GRM1: variants seen among roughly 807,000 people sequenced by gnomAD.
The protein encoded by GRM1 is metabotropic glutamate receptor 1.
Under a neutral mutation model 90.9 loss-of-function variants are expected in GRM1, and 33 were observed. The ratio of observed to expected loss-of-function variants is 0.36; its 90% CI spans 0.28 to 0.49. The LOEUF (loss-of-function observed/expected upper bound fraction) is 0.49. Ranked by LOEUF, GRM1 falls within the 20% of genes least tolerant of loss-of-function variation. The probability of loss-of-function intolerance (pLI) is 0.99; values close to 1 mark genes in which losing one functional copy is unlikely to be tolerated. For missense variants in GRM1, 1,190 were observed against 1,534.3 expected, an observed-to-expected ratio of 0.78 and a Z score of 3.75; for synonymous variants, 700 against 613.2, an observed-to-expected ratio of 1.14 and a Z score of -2.09.
intron 3 of GRM1, among the ~76,000 whole-genome samples, chr6:146,315,432 G>A (rs562422125): frequency 6.6e-6 from 1 of 152,148 alleles, no homozygotes; most frequent in East Asian, 1.9e-4. Context: ...TGAATCCTTA[G>A]AGATGTAAAT....
At chr6:146,216,913 T>C (rs1779890955) in intron 2 of GRM1, among the ~76,000 whole-genome samples, 1 of 152,216 alleles carries the variant, frequency 6.6e-6, no homozygotes, top group African/African-American at 2.4e-5. Flanking sequence ...TTCTAAGGCA[T>C]CTTTCCAGAT....
At chr6:146,338,397 T>C (rs1331471756) in intron 3 of GRM1, among the ~76,000 whole-genome samples, 2 of 152,228 alleles carry the variant, frequency 1.3e-5, no homozygotes, top group African/African-American at 4.8e-5. Flanking sequence ...CCGTTTGAAT[T>C]CTGAATTTGG....
At chr6:146,130,505 A>G (rs1042304212) in intron 1 of GRM1, among the ~76,000 whole-genome samples, 5 of 152,232 alleles carry the variant, frequency 3.3e-5, no homozygotes, top group African/African-American at 1.2e-4. Flanking sequence ...TTAAAGTACC[A>G]TGGTAGGTAA....
chr6:146,216,307 T>C (rs2114662148), intron 2 of GRM1, among the ~76,000 whole-genome samples: 1 of 152,332 alleles, frequency 6.6e-6, no homozygotes, highest in South Asian at 2.1e-4. Flanking sequence ...TTAAGAATTT[T>C]AATGCTTTTT....
chr6:146,157,468 A>G (rs536495299), intron 1 of GRM1, among the ~76,000 whole-genome samples: 1 of 152,316 alleles, frequency 6.6e-6, no homozygotes, highest in South Asian at 2.1e-4. Context: ...TTTGTATATC[A>G]ATTAGAAGTC....
chr6:146,046,905 A>G (rs9403765), intron 1 of GRM1, among the ~76,000 whole-genome samples: 66,361 of 151,724 alleles, frequency 0.44, 14,755 homozygotes, highest in Middle Eastern at 0.51. Context: ...TACTTCCAGT[A>G]GGGATATTGG....
chr6:146,250,554 C>T (rs1781233725), intron 2 of GRM1, among the ~76,000 whole-genome samples: 1 of 152,208 alleles, frequency 6.6e-6, no homozygotes, highest in African/African-American at 2.4e-5. Context: ...CCACCCCAGC[C>T]ATGCAGAACT....
chr6:146,190,823 T>C (rs988450538), intron 2 of GRM1, among the ~76,000 whole-genome samples: 12 of 152,154 alleles, frequency 7.9e-5, no homozygotes, highest in African/African-American at 2.9e-4. Context: ...ATTGCAATTT[T>C]CTCTCTCCCC....
intron 1 of GRM1, among the ~76,000 whole-genome samples, chr6:146,085,592 C>A (rs1776514271): frequency 6.6e-6 from 1 of 152,060 alleles, no homozygotes; most frequent in Non-Finnish European, 1.5e-5. Flanking sequence ...ATTTCAGTAT[C>A]TTCTCAGTGC....
chr6:146,175,795 G>A (rs1460059777), intron 2 of GRM1, among the ~76,000 whole-genome samples: 1 of 151,974 alleles, frequency 6.6e-6, no homozygotes, highest in Non-Finnish European at 1.5e-5. Context: ...AGATGAGAAA[G>A]GCCCACCATC....
chr6:146,077,879 A>G (rs1776240209), intron 1 of GRM1, among the ~76,000 whole-genome samples: 2 of 152,284 alleles, frequency 1.3e-5, no homozygotes, highest in South Asian at 2.1e-4. Context: ...AGGCAACTCA[A>G]TGCTGGCTCT....
At chr6:146,058,019 T>A (rs1236068290) in intron 1 of GRM1, among the ~76,000 whole-genome samples, 1 of 152,106 alleles carries the variant, frequency 6.6e-6, no homozygotes, top group Non-Finnish European at 1.5e-5. Flanking sequence ...ATTTACTTTT[T>A]TAAAAGAGTT....
chr6:146,122,034 T>A (rs1413417726), intron 1 of GRM1, among the ~76,000 whole-genome samples: 5 of 152,176 alleles, frequency 3.3e-5, no homozygotes, highest in Admixed American at 3.3e-4. Flanking sequence ...CAGTGGGGTG[T>A]TAAAGTCTCC....
chr6:146,373,911 T>G (rs576635789), intron 5 of GRM1, among the ~76,000 whole-genome samples: 3 of 152,124 alleles, frequency 2.0e-5, no homozygotes, highest in Non-Finnish European at 2.9e-5. Context: ...TGAAAAGCAG[T>G]GCTGATAGTG....
Position 146,063,761 on chromosome 6 carries a change from TC to T in GRM1, c.700+33546del, listed in dbSNP as rs375459800. On this transcript the variant is annotated intron_variant, in intron 1 of 7. Transcript: ENST00000282753. Reference sequence around the variant, plus strand: ...TATATATTAATATCAACATTATGAATCCATATGGTAGCTCTTCTGTTGCATA... The same window carrying T: ...TATATATTAATATCAACATTATGAATCATATGGTAGCTCTTCTGTTGCATA... Among the ~76,000 whole-genome samples the T allele has an allele frequency of 3.7e-4, 57 of 152,262 alleles. 1 individual carries two copies. In the East Asian group the frequency reaches 0.011, roughly 29 times the overall value.
chr6:146,172,095 GA>G (rs112361809), intron 2 of GRM1, among the ~76,000 whole-genome samples: 40 of 150,762 alleles, frequency 2.7e-4, no homozygotes, highest in African/African-American at 9.0e-4. Flanking sequence ...GCTTTACTCA[GA>G]AAAAAAAAGA....
intron 7 of GRM1, among the ~76,000 whole-genome samples, chr6:146,412,143 T>TAA (rs1777592319): frequency 6.6e-6 from 1 of 152,228 alleles, no homozygotes; most frequent in Non-Finnish European, 1.5e-5. Context: ...TATTGATATA[T>TAA]GTTGCAGCAT....
At chr6:146,051,875 C>A (rs535248624) in intron 1 of GRM1, among the ~76,000 whole-genome samples, 1 of 152,104 alleles carries the variant, frequency 6.6e-6, no homozygotes, top group African/African-American at 2.4e-5. Context: ...CTACTCTGTA[C>A]AAGGTTGCGA....
chr6:146,392,826 G>T (rs1033178790), intron 6 of GRM1, among the ~76,000 whole-genome samples: 4 of 152,070 alleles, frequency 2.6e-5, no homozygotes, highest in African/African-American at 9.7e-5. Flanking sequence ...GAGAATGATG[G>T]TTTCCAGCTT....
Sources: gnomAD v4.1 joint callset for allele counts (sites outside exome capture counted in the v4.1 genomes callset) on GRCh38, gnomAD v4.1.1 for gene constraint, MANE v1.5 for transcripts, NCBI Gene and HGNC (gene_info 2026-07-23, HGNC 2026-07-21) for gene names.